Variants in TRAPPC3L observed in about 807,000 individuals in gnomAD.
TRAPPC3L encodes trafficking protein particle complex subunit 3L, also known as trafficking protein particle complex subunit 3-like protein.
In TRAPPC3L, 23 loss-of-function variants were observed where a neutral mutation model predicts 23.7. The observed-to-expected ratio is 0.97, with a 90% CI of 0.70 to 1.37. TRAPPC3L has a LOEUF of 1.37. TRAPPC3L is among the 40% of genes most tolerant of loss of function. The pLI, the probability that TRAPPC3L is intolerant of heterozygous loss-of-function variation, is 0.00. For synonymous variants in TRAPPC3L, 81 were observed against 77.9 expected, an observed-to-expected ratio of 1.04 and a Z score of -0.21; for missense variants, 212 against 216.8, an observed-to-expected ratio of 0.98 and a Z score of 0.14.
chr6:116,544,151 AAGAGAGAG>A (rs141606346), intron 1 of TRAPPC3L, among the ~76,000 whole-genome samples: 12 of 133,012 alleles, frequency 9.0e-5, no homozygotes, highest in African/African-American at 2.9e-4. Flanking sequence ...AAAGGTGAAG[AAGAGAGAG>A]AGAGAGAGAG....
intron 3 of TRAPPC3L, among the ~76,000 whole-genome samples, chr6:116,503,199 GA>G (rs199539176): frequency 9.7e-5 from 14 of 144,946 alleles, no homozygotes; most frequent in South Asian, 2.2e-4. Context: ...CAAATGGAAA[GA>G]AAAAAAAAAG....
chr6:116,503,573 T>C (rs1771955210), intron 3 of TRAPPC3L, among the ~76,000 whole-genome samples: 1 of 152,172 alleles, frequency 6.6e-6, no homozygotes, highest in Admixed American at 6.5e-5. Context: ...AGAAATACAT[T>C]CTTCTCAGCA....
Position 116,515,570 on chromosome 6 carries a change from G to C in TRAPPC3L, c.241-14904C>G, listed in dbSNP as rs762059330. On this transcript the variant is annotated intron_variant, in intron 3 of 4. Transcript: ENST00000368602. ...GCTCCCTAAATGGCTTTGCTTTCAC[G>C]TGTGTACTCAATATTTCTTTCTTCT... 6 of 1,576,044 alleles carry C rather than the reference G, an allele frequency of 3.8e-6. No individual in the cohort carries two copies. The East Asian group carries it at 6.7e-5, about 18-fold the overall frequency.
intron 2 of TRAPPC3L, among the ~76,000 whole-genome samples, chr6:116,541,610 G>A (rs1285301287): frequency 6.6e-6 from 1 of 152,146 alleles, no homozygotes; most frequent in East Asian, 1.9e-4. Flanking sequence ...ATTCAGTTTA[G>A]CTTCCTTGAC....
intron 3 of TRAPPC3L, among the ~76,000 whole-genome samples, chr6:116,532,307 C>T (rs1772782055): frequency 6.6e-6 from 1 of 152,090 alleles, no homozygotes; most frequent in Admixed American, 6.6e-5. Flanking sequence ...CGCTATATTG[C>T]CCAGGCAGGT....
At chr6:116,540,534 G>A in intron 2 of TRAPPC3L, 72 bp from the exon 3 acceptor site, 3 of 1,436,188 alleles carry the variant, frequency 2.1e-6, no homozygotes, top group Non-Finnish European at 2.9e-6. Context: ...TTTAAGAAGC[G>A]ATTTGTGTGT....
chr6:116,515,797 T>G, intron 3 of TRAPPC3L: 1 of 1,614,008 alleles, frequency 6.2e-7, no homozygotes, highest in South Asian at 1.1e-5. Flanking sequence ...AATGTTTTTT[T>G]GAAAACAAGA....
At chr6:116,542,142 T>G (rs1773501107) in intron 2 of TRAPPC3L, among the ~76,000 whole-genome samples, 1 of 152,144 alleles carries the variant, frequency 6.6e-6, no homozygotes, top group African/African-American at 2.4e-5. Flanking sequence ...AAATGCTATG[T>G]CAGATGTTTA....
chr6:116,507,607 T>TA (rs936653031), intron 3 of TRAPPC3L, among the ~76,000 whole-genome samples: 15 of 152,018 alleles, frequency 9.9e-5, no homozygotes, highest in African/African-American at 3.6e-4. Context: ...TTGGCAGATT[T>TA]AAAAAAAACA....
At chr6:116,502,082 A>G (rs565186230) in intron 3 of TRAPPC3L, among the ~76,000 whole-genome samples, 147 of 152,338 alleles carry the variant, frequency 9.6e-4, no homozygotes, top group African/African-American at 3.4e-3. Flanking sequence ...TCTCCGAGCT[A>G]AAGAAGCACA....
chr6:116,534,735 A>G (rs1307621006), intron 3 of TRAPPC3L, among the ~76,000 whole-genome samples: 1 of 152,102 alleles, frequency 6.6e-6, no homozygotes, highest in African/African-American at 2.4e-5. Flanking sequence ...CTCATCCCCC[A>G]AAATCATTGC....
At chr6:116,544,788 C>T (rs527352034) in intron 1 of TRAPPC3L, among the ~76,000 whole-genome samples, 156 of 152,178 alleles carry the variant, frequency 1.0e-3, no homozygotes, top group African/African-American at 3.7e-3. Context: ...CAATTCTAAA[C>T]ACCAAGTCTG....
intron 2 of TRAPPC3L, among the ~76,000 whole-genome samples, chr6:116,541,493 T>C (rs1274380992): frequency 6.6e-6 from 1 of 152,102 alleles, no homozygotes; most frequent in Non-Finnish European, 1.5e-5. Context: ...AGAGATGAAA[T>C]CTTTGGTGAC....
chr6:116,520,859 A>G (rs1263139251), intron 3 of TRAPPC3L: 1 of 152,154 alleles, frequency 6.6e-6, no homozygotes, highest in Non-Finnish European at 1.5e-5. Flanking sequence ...GTATTTGCCA[A>G]TATACCATGG....
chr6:116,512,289 C>G lies in TRAPPC3L; in HGVS notation c.241-11623G>C, dbSNP rs9488951. On this transcript the variant is annotated intron_variant, in intron 3 of 4. Transcript: ENST00000368602. ...TCTCAGCATGAGCTCGAAGTATTCTCTCTGTGCTCCTTTCAGCCAGGGCTG... is the reference window on the plus strand; with the variant it reads ...TCTCAGCATGAGCTCGAAGTATTCTGTCTGTGCTCCTTTCAGCCAGGGCTG... 2,796 of 1,521,904 alleles carry G rather than the reference C, an allele frequency of 1.8e-3. 54 individuals carry two copies. The African/African-American group carries it at 0.034, about 19-fold the overall frequency. The allele number at this position is 1,521,904 out of a possible 1,614,324, so 94.3% of individuals were successfully genotyped here.
chr6:116,535,828 C>T (rs1481594521), intron 3 of TRAPPC3L, among the ~76,000 whole-genome samples: 1 of 152,072 alleles, frequency 6.6e-6, no homozygotes, highest in African/African-American at 2.4e-5. Flanking sequence ...GTGGAAAAAA[C>T]ACTAGAATAA....
intron 3 of TRAPPC3L, among the ~76,000 whole-genome samples, chr6:116,504,133 C>A (rs1771965951): frequency 6.6e-6 from 1 of 152,000 alleles, no homozygotes; most frequent in Non-Finnish European, 1.5e-5. Context: ...CTACCGCTAG[C>A]ACGACTAATA....
At chr6:116,529,055 A>C (rs1274812718) in intron 3 of TRAPPC3L, 1 of 152,320 alleles carries the variant, frequency 6.6e-6, no homozygotes, top group Non-Finnish European at 1.5e-5. Context: ...TGTGCTGAGA[A>C]CTGCTCTCTC....
chr6:116,509,537 T>C (rs965231771), intron 3 of TRAPPC3L, among the ~76,000 whole-genome samples: 2 of 151,644 alleles, frequency 1.3e-5, no homozygotes, highest in East Asian at 1.9e-4. Flanking sequence ...TCAGAACCAA[T>C]TGATCTTTGA....
Sources: allele counts gnomAD v4.1 joint callset (sites outside exome capture counted in the v4.1 genomes callset), GRCh38; gene constraint gnomAD v4.1.1; transcripts MANE v1.5; gene names NCBI Gene and HGNC (gene_info 2026-07-23, HGNC 2026-07-21).